VGLL4: variants seen among roughly 807,000 people sequenced by gnomAD.
The protein encoded by VGLL4 is transcription cofactor vestigial-like protein 4.
Under a neutral mutation model 21.0 loss-of-function variants are expected in VGLL4, and 7 were observed. That is an observed-to-expected ratio of 0.33 (90% CI 0.19 to 0.63). The LOEUF is 0.63. VGLL4 is among the 20% of genes least tolerant of loss of function. The pLI is 0.78. For missense variants in VGLL4, 394 were observed against 425.7 expected (o/e 0.93, Z 0.66); for synonymous variants, 222 against 173.2 (o/e 1.28, Z -2.21).
chr3:11,605,368 C>T (rs1262985987), intron 1 of VGLL4, among the ~76,000 whole-genome samples: 1 of 148,318 alleles, frequency 6.7e-6, no homozygotes, highest in Admixed American at 6.7e-5. Context: ...TTGGCCCATC[C>T]TCACCCCAGA....
intron 3 of VGLL4, among the ~76,000 whole-genome samples, chr3:11,560,520 G>A (rs1270539331): frequency 6.6e-6 from 1 of 152,154 alleles, no homozygotes; most frequent in African/African-American, 2.4e-5. Flanking sequence ...GCAGTAGCTG[G>A]TATAAAGACA....
chr3:11,628,409 AAAAG>A (rs1050368276), intron 1 of VGLL4, among the ~76,000 whole-genome samples: 1 of 151,870 alleles, frequency 6.6e-6, no homozygotes, highest in African/African-American at 2.4e-5. Context: ...AAAAAAAAAG[AAAAG>A]AAACATCGAA....
In VGLL4 at chr3:11,556,817, G is replaced by A. The variant is rs1490499430; in HGVS notation, c.*1739C>T. 1 of 152,704 alleles carries A rather than the reference G, an allele frequency of 6.5e-6. No homozygotes were observed. Among genetic ancestry groups the A allele is most frequent in the Non-Finnish European group, 1.5e-5 (1 of 68,024 alleles). 9.5% of individuals were successfully genotyped at this position (152,704 alleles called of 1,614,324 possible). A position where few individuals can be genotyped will look rare whatever the true frequency, so the allele number is the denominator to read the frequency against. ...AACGATTTTTCCTACAGAAAATATA[G>A]GGGCCTGAATGCCAAAGCTTGGAAG... On this transcript the variant is annotated 3_prime_UTR_variant, in exon 5 of 5. Coordinates refer to ENST00000430365, the MANE Select transcript of VGLL4 (RefSeq NM_001128219.3).
At chr3:11,619,134 T>C (rs564665438) in intron 1 of VGLL4, among the ~76,000 whole-genome samples, 1 of 152,280 alleles carries the variant, frequency 6.6e-6, no homozygotes, top group South Asian at 2.1e-4. Context: ...CAGGCTGTCA[T>C]TAAGTGAAAA....
At chr3:11,571,498 A>G (rs1483774092) in intron 2 of VGLL4, among the ~76,000 whole-genome samples, 1 of 152,104 alleles carries the variant, frequency 6.6e-6, no homozygotes, top group African/African-American at 2.4e-5. Context: ...AGCCTGGGCA[A>G]CATGGCAAAA....
At chr3:11,638,268 G>C (rs1329370519) in intron 1 of VGLL4, among the ~76,000 whole-genome samples, 1 of 152,254 alleles carries the variant, frequency 6.6e-6, no homozygotes, top group African/African-American at 2.4e-5. Context: ...AATAGGGAAC[G>C]GAGGAAGGAG....
chr3:11,676,995 C>T (rs2076300620), intron 2 of VGLL4, among the ~76,000 whole-genome samples: 2 of 152,114 alleles, frequency 1.3e-5, no homozygotes, highest in Admixed American at 1.3e-4. Flanking sequence ...GAGATAACTA[C>T]AGCTAAAACT....
At chr3:11,659,621 A>C (rs940595148) in intron 2 of VGLL4, among the ~76,000 whole-genome samples, 7 of 148,620 alleles carry the variant, frequency 4.7e-5, no homozygotes, top group African/African-American at 1.7e-4. Flanking sequence ...GGCGTGAGCC[A>C]CCACGCCCAG....
At chr3:11,566,008 T>C (rs768401051) in intron 2 of VGLL4, among the ~76,000 whole-genome samples, 2 of 152,226 alleles carry the variant, frequency 1.3e-5, no homozygotes, top group Non-Finnish European at 2.9e-5. Flanking sequence ...TGGTGAATTA[T>C]GATTTGAGTG....
chr3:11,629,452 A>G (rs1188259634), intron 1 of VGLL4, among the ~76,000 whole-genome samples: 1 of 152,012 alleles, frequency 6.6e-6, no homozygotes, highest in Non-Finnish European at 1.5e-5. Flanking sequence ...ACCTTGAAAG[A>G]TACATAGAAT....
At chr3:11,577,567 T>C (rs2074091272) in intron 2 of VGLL4, among the ~76,000 whole-genome samples, 1 of 152,176 alleles carries the variant, frequency 6.6e-6, no homozygotes, top group South Asian at 2.1e-4. Flanking sequence ...CACTCCAGTC[T>C]GAACAACAGA....
chr3:11,710,094 G>C (rs2076818786), intron 1 of VGLL4, among the ~76,000 whole-genome samples: 2 of 152,122 alleles, frequency 1.3e-5, no homozygotes, highest in Non-Finnish European at 2.9e-5. Flanking sequence ...TCAACAACCA[G>C]ATCTCCCATG....
chr3:11,567,251 CACAA>C (rs1160635934), intron 2 of VGLL4, among the ~76,000 whole-genome samples: 1 of 152,144 alleles, frequency 6.6e-6, no homozygotes, highest in African/African-American at 2.4e-5. Flanking sequence ...ACAAACAGCA[CACAA>C]ACAAAAACAA....
chr3:11,696,522 T>C lies in VGLL4; in HGVS notation c.64+6449A>G, dbSNP rs115867234. ...CCACGTGGCAGTCAGATCATCCCAG[T>C]GCATACAACGGAGGAGCCAGGAGTA... On this transcript the variant is annotated intron_variant, in intron 2 of 5. Transcript: ENST00000273038. Among the ~76,000 whole-genome samples the C allele has an allele frequency of 2.5e-3, 384 of 152,302 alleles. 1 individual carries two copies. The highest frequency in any genetic ancestry group is 7.1e-3 in the African/African-American group (293 of 41,554).
At chr3:11,615,569 C>A (rs1241261918) in intron 1 of VGLL4, among the ~76,000 whole-genome samples, 1 of 152,258 alleles carries the variant, frequency 6.6e-6, no homozygotes, top group African/African-American at 2.4e-5. Context: ...CTGTTAGAAA[C>A]AAGTAAGCTC....
At chr3:11,677,263 A>C (rs1435025526) in intron 2 of VGLL4, among the ~76,000 whole-genome samples, 1 of 152,088 alleles carries the variant, frequency 6.6e-6, no homozygotes, top group East Asian at 1.9e-4. Flanking sequence ...TATTTTTTAA[A>C]AGAACAGACT....
intron 1 of VGLL4, among the ~76,000 whole-genome samples, chr3:11,629,245 T>C (rs1010696372): frequency 6.6e-6 from 1 of 152,208 alleles, no homozygotes; most frequent in Non-Finnish European, 1.5e-5. Flanking sequence ...GCCAATCTTT[T>C]CCTATTCTTT....
chr3:11,579,697 C>A (rs977222835), intron 2 of VGLL4, among the ~76,000 whole-genome samples: 4 of 152,018 alleles, frequency 2.6e-5, no homozygotes, highest in African/African-American at 7.3e-5. Context: ...TCAGAAGCAC[C>A]CTCCCCCCCA....
chr3:11,620,480 G>A (rs2075244688), intron 1 of VGLL4, among the ~76,000 whole-genome samples: 2 of 152,084 alleles, frequency 1.3e-5, no homozygotes, highest in South Asian at 4.1e-4. Flanking sequence ...TCATCCAAAG[G>A]CGTTAGCACC....
Sources: allele counts gnomAD v4.1 joint callset (sites outside exome capture counted in the v4.1 genomes callset), GRCh38; gene constraint gnomAD v4.1.1; transcripts MANE v1.5; gene names NCBI Gene and HGNC (gene_info 2026-07-23, HGNC 2026-07-21).